SYT9: variants seen among roughly 807,000 people sequenced by gnomAD.
SYT9 encodes synaptotagmin-9.
Under a neutral mutation model 48.4 loss-of-function variants are expected in SYT9, and 22 were observed. That is an observed-to-expected ratio of 0.45 (90% CI 0.32 to 0.65). SYT9 has a LOEUF of 0.65. SYT9 is among the 30% of genes least tolerant of loss of function. The probability of loss-of-function intolerance (pLI) is 0.03; values close to 1 mark genes in which losing one functional copy is unlikely to be tolerated. For synonymous variants in SYT9, 265 were observed against 245.0 expected, an observed-to-expected ratio of 1.08 and a Z score of -0.76; for missense variants, 577 against 622.0, an observed-to-expected ratio of 0.93 and a Z score of 0.77.
At chr11:7,288,272 G>A (rs1290872697) in intron 1 of SYT9, among the ~76,000 whole-genome samples, 1 of 131,318 alleles carries the variant, frequency 7.6e-6, no homozygotes, top group African/African-American at 3.0e-5. Context: ...GTAAAACTAT[G>A]GCATTATATG....
chr11:7,360,135 C>G (rs1039468702), intron 3 of SYT9, among the ~76,000 whole-genome samples: 52 of 152,118 alleles, frequency 3.4e-4, no homozygotes, highest in African/African-American at 1.2e-3. Context: ...TTGTTTTTGT[C>G]AGGTTTGTCA....
chr11:7,417,195 C>T (rs1006512978), intron 4 of SYT9, among the ~76,000 whole-genome samples: 6 of 151,882 alleles, frequency 4.0e-5, no homozygotes, highest in African/African-American at 1.5e-4. Context: ...GAAAAAAAAG[C>T]TGTGGTCCCT....
intron 2 of SYT9, among the ~76,000 whole-genome samples, chr11:7,304,875 G>A (rs967215437): frequency 6.6e-6 from 1 of 152,128 alleles, no homozygotes; most frequent in Non-Finnish European, 1.5e-5. Context: ...TTTAGATAGA[G>A]TCTCCATTGA....
At chr11:7,346,302 TG>T (rs1849799406) in intron 3 of SYT9, among the ~76,000 whole-genome samples, 2 of 152,112 alleles carry the variant, frequency 1.3e-5, no homozygotes, top group Admixed American at 1.3e-4. Flanking sequence ...GAGCCAGTAG[TG>T]GGGAAGCCTG....
intron 6 of SYT9, among the ~76,000 whole-genome samples, chr11:7,429,272 C>G (rs150607896): frequency 1.3e-5 from 2 of 152,194 alleles, no homozygotes; most frequent in Non-Finnish European, 2.9e-5. Flanking sequence ...CCACTGCATA[C>G]GCTGATTCAG....
rs1055185732 is a variant in SYT9 at position 7,369,520 on chromosome 11, T to C, written c.1045-46522T>C. Among the ~76,000 whole-genome samples the C allele has an allele frequency of 7.2e-5, 11 of 152,198 alleles. 1 individual carries two copies. Among genetic ancestry groups the C allele is most frequent in the Admixed American group, 2.6e-4 (4 of 15,286 alleles). On this transcript the variant is annotated intron_variant, in intron 3 of 6. Coordinates refer to ENST00000318881, the MANE Select transcript of SYT9 (RefSeq NM_175733.4). ...TGTCAGTTTTGGCTTTTGTTACAATTGCTTTTGGTGTTTTAGTCATGAAGT... is the reference window on the plus strand; with the variant it reads ...TGTCAGTTTTGGCTTTTGTTACAATCGCTTTTGGTGTTTTAGTCATGAAGT...
At chr11:7,370,886 G>A (rs1196831302) in intron 3 of SYT9, among the ~76,000 whole-genome samples, 1 of 152,190 alleles carries the variant, frequency 6.6e-6, no homozygotes, top group African/African-American at 2.4e-5. Context: ...AAAGTCATAT[G>A]TGATTGGGGT....
At chr11:7,389,680 A>G (rs907970842) in intron 3 of SYT9, among the ~76,000 whole-genome samples, 1 of 152,208 alleles carries the variant, frequency 6.6e-6, no homozygotes, top group Non-Finnish European at 1.5e-5. Context: ...AAAAGAGACT[A>G]AAGCGAGAAG....
intron 1 of SYT9, among the ~76,000 whole-genome samples, chr11:7,267,759 A>C (rs1848215130): frequency 6.6e-6 from 1 of 151,986 alleles, no homozygotes; most frequent in Non-Finnish European, 1.5e-5. Flanking sequence ...CTGAATTAGA[A>C]AGTGAAAAAT....
At chr11:7,266,505 GA>G (rs1377921098) in intron 1 of SYT9, among the ~76,000 whole-genome samples, 1 of 152,070 alleles carries the variant, frequency 6.6e-6, no homozygotes, top group Non-Finnish European at 1.5e-5. Context: ...TGCTCTGGGG[GA>G]AAATCTAATC....
At chr11:7,300,703 A>G (rs1848903094) in intron 1 of SYT9, among the ~76,000 whole-genome samples, 2 of 152,154 alleles carry the variant, frequency 1.3e-5, no homozygotes, top group Non-Finnish European at 2.9e-5. Flanking sequence ...TGTGGAGCCT[A>G]TTTTGTGTTG....
chr11:7,424,977 C>A (rs973650178), intron 6 of SYT9, among the ~76,000 whole-genome samples: 2 of 152,192 alleles, frequency 1.3e-5, no homozygotes, highest in African/African-American at 4.8e-5. Flanking sequence ...TCACCCTCAG[C>A]CTCTAGAAGG....
At chr11:7,400,547 A>G (rs1203492837) in intron 3 of SYT9, among the ~76,000 whole-genome samples, 1 of 152,180 alleles carries the variant, frequency 6.6e-6, no homozygotes, top group African/African-American at 2.4e-5. Flanking sequence ...TAATATTGGT[A>G]ATACTTCAGA....
chr11:7,345,603 A>G (rs149464606), intron 3 of SYT9, among the ~76,000 whole-genome samples: 7 of 152,360 alleles, frequency 4.6e-5, no homozygotes, highest in East Asian at 3.9e-4. Context: ...GTATTCTGGT[A>G]TAAGTAAGAT....
chr11:7,418,176 A>G lies in SYT9; in HGVS notation c.1337+48A>G, dbSNP rs911795243. ...CCAGTGCAAGTTCACTGTGCCCAGG[A>G]CTGGGAAGGCAGAGGGGGAGCAGCA... On this transcript the variant is annotated intron_variant, in intron 5 of 6. Coordinates refer to ENST00000318881, the MANE Select transcript of SYT9 (RefSeq NM_175733.4). 8 of 1,589,498 alleles carry G rather than the reference A, an allele frequency of 5.0e-6. No individual in the cohort carries two copies. In the African/African-American group the frequency reaches 1.1e-4, roughly 21 times the overall value.
At chr11:7,250,982 G>T (rs1197453850), upstream of SYT9, among the ~76,000 whole-genome samples, 1 of 152,132 alleles carries the variant, frequency 6.6e-6, no homozygotes, top group African/African-American at 2.4e-5. Flanking sequence ...TAACACCTTT[G>T]TGAGTCCCCA....
At chr11:7,287,569 C>A (rs1209696883) in intron 1 of SYT9, among the ~76,000 whole-genome samples, 1 of 152,216 alleles carries the variant, frequency 6.6e-6, no homozygotes, top group East Asian at 1.9e-4. Context: ...GGTTTCTCAG[C>A]TCACTAGTGG....
chr11:7,367,388 A>G (rs912430856), intron 3 of SYT9, among the ~76,000 whole-genome samples: 2 of 151,806 alleles, frequency 1.3e-5, no homozygotes, highest in Non-Finnish European at 2.9e-5. Context: ...GCCTTCCAGG[A>G]GACCATCTTT....
intron 3 of SYT9, among the ~76,000 whole-genome samples, chr11:7,343,300 T>G (rs1028410571): frequency 6.6e-6 from 1 of 152,236 alleles, no homozygotes; most frequent in South Asian, 2.1e-4. Context: ...TTTTATGCTG[T>G]GTTTCCCTTT....
Sources: gnomAD v4.1 joint callset for allele counts (sites outside exome capture counted in the v4.1 genomes callset) on GRCh38, gnomAD v4.1.1 for gene constraint, MANE v1.5 for transcripts, NCBI Gene and HGNC (gene_info 2026-07-23, HGNC 2026-07-21) for gene names.